Variants in AP3D1 observed in about 807,000 individuals in gnomAD.
AP3D1 encodes AP-3 complex subunit delta-1.
A neutral mutation model predicts 147.6 loss-of-function variants in AP3D1; 51 were observed. That is an observed-to-expected ratio of 0.35 (90% confidence interval 0.28 to 0.44). AP3D1 has a LOEUF of 0.44. Ranked by LOEUF, AP3D1 falls within the 20% of genes least tolerant of loss-of-function variation. The probability of loss-of-function intolerance (pLI) is 1.00; values close to 1 mark genes in which losing one functional copy is unlikely to be tolerated. For synonymous variants in AP3D1, 760 were observed against 663.0 expected, an observed-to-expected ratio of 1.15 and a Z score of -2.25; for missense variants, 1,421 against 1,624.2, an observed-to-expected ratio of 0.87 and a Z score of 2.15.
At position 2,113,976 on chromosome 19, in the gene AP3D1, TCA is replaced by T. The variant is rs1415757570; in HGVS notation, c.2601+147_2601+148del. On this transcript the variant is annotated intron_variant, in intron 22 of 31. Transcript: ENST00000643116. The stretch of plus-strand genomic sequence containing the variant: ...AGCTCCCCTCAGAAGCCACATGTCC[TCA>T]CTCCGCCGGGGCACAGGGCGAGGCG... The T allele has an allele frequency of 1.8e-5, 25 of 1,382,992 alleles. No homozygotes were observed. The East Asian group carries it at 5.8e-4, about 32-fold the overall frequency. 85.7% of individuals were successfully genotyped at this position (1,382,992 alleles called of 1,614,324 possible).
intron 31 of AP3D1, among the ~76,000 whole-genome samples, chr19:2,102,728 A>AAAATAAAT (rs148548478): frequency 3.9e-5 from 5 of 129,644 alleles, no homozygotes; most frequent in African/African-American, 5.9e-5. Context: ...ACTGTCTCAA[A>AAAATAAAT]AAATAAATAA....
intron 1 of AP3D1, among the ~76,000 whole-genome samples, chr19:2,157,589 C>T (rs547315463): frequency 6.6e-5 from 10 of 150,928 alleles, no homozygotes; most frequent in African/African-American, 9.7e-5. Flanking sequence ...ATCCACCCAC[C>T]GACTCATCCA....
intron 9 of AP3D1, 145 bp downstream of exon 9, chr19:2,127,007 C>G: frequency 1.2e-6 from 1 of 829,108 alleles, no homozygotes; most frequent in South Asian, 1.6e-5. Flanking sequence ...TCCCAGCCAG[C>G]CCCAGGCCCC....
rs565277758 is a variant in AP3D1, at chr19:2,117,092, C to A, written c.1859+130G>T. 15 of 1,221,048 alleles carry A rather than the reference C, an allele frequency of 1.2e-5. No homozygotes were observed. In the East Asian group the frequency reaches 4.0e-4, roughly 33 times the overall value. The allele number at this position is 1,221,048 out of a possible 1,614,324, so 75.6% of individuals were successfully genotyped here. A position where few individuals can be genotyped will look rare whatever the true frequency, so the allele number is the denominator to read the frequency against. On this transcript the variant is annotated intron_variant, in intron 16 of 31. Transcript: ENST00000643116. ...GGTGAGTCCGTGTGAGGGATATACC[C>A]GCCTGAGGCCTCCAATCAGCCCCAC...
chr19:2,108,624 G>A, intron 31 of AP3D1, 63 bp downstream of exon 31: 1 of 1,456,368 alleles, frequency 6.9e-7, no homozygotes. Flanking sequence ...GGGGATGAAG[G>A]CCTGGGCATG....
At chr19:2,147,074 GTGGC>G (rs2019375374) in intron 1 of AP3D1, among the ~76,000 whole-genome samples, 1 of 152,154 alleles carries the variant, frequency 6.6e-6, no homozygotes, top group Non-Finnish European at 1.5e-5. Flanking sequence ...GCTGGGCGTG[GTGGC>G]TCACGCCTGT....
chr19:2,139,485 C>G (rs892510128), intron 1 of AP3D1, among the ~76,000 whole-genome samples: 2 of 152,208 alleles, frequency 1.3e-5, no homozygotes, highest in African/African-American at 4.8e-5. Context: ...CAAGCGAACT[C>G]AGGCACGAGG....
In AP3D1 at chr19:2,116,191, C is replaced by T. The variant is rs770655238; in HGVS notation, c.2073+16G>A. ...TAGAGGGTGCTGAGGGACAGGCACC[C>T]GGGGACGGGCCTCACCTTCTGTGGC... On this transcript the variant is annotated intron_variant, in intron 18 of 31. Coordinates refer to ENST00000643116, the MANE Select transcript of AP3D1 (RefSeq NM_001261826.3). 59 of 1,613,662 alleles carry T rather than the reference C, an allele frequency of 3.7e-5. No individual in the cohort carries two copies. The Middle Eastern group carries it at 9.9e-4, about 27-fold the overall frequency.
At chr19:2,109,783 G>A (rs2018214232) in intron 29 of AP3D1, 90 bp downstream of exon 29, 2 of 1,268,266 alleles carry the variant, frequency 1.6e-6, no homozygotes, top group South Asian at 2.4e-5. Context: ...GTCCTGCCCA[G>A]AAGCCTCAGT....
rs1442551555 is a variant in AP3D1, at chr19:2,116,732, G to A, written c.1874C>T (p.Ala625Val). The part of the protein sequence containing the change: ...VPVPEGLDLD[A>V]WINEPLSDSE... ...GTCCGAGAGTGGCTCATTGATCCAG[G>A]CGTCCAGGTCCAGGCTGCACCGGAC... The change falls in exon 17 of 32, where the codon GCC becomes GTC. Residue 625 changes from alanine (A) to valine (V), a missense_variant. Ala to Val is a moderately conservative substitution (Grantham distance 64, BLOSUM62 0). Coordinates refer to ENST00000643116, the MANE Select transcript of AP3D1 (RefSeq NM_001261826.3). The A allele has an allele frequency of 3.1e-6, 5 of 1,610,952 alleles. No individual in the cohort carries two copies. The East Asian group carries it at 6.7e-5, about 22-fold the overall frequency.
chr19:2,135,816 C>T (rs1016316778), intron 4 of AP3D1, among the ~76,000 whole-genome samples: 1 of 152,160 alleles, frequency 6.6e-6, no homozygotes, highest in Non-Finnish European at 1.5e-5. Context: ...AAGCTGGGCA[C>T]GACACGTGGC....
intron 1 of AP3D1, among the ~76,000 whole-genome samples, chr19:2,139,038 T>C (rs1018111400): frequency 8.5e-6 from 1 of 118,134 alleles, no homozygotes; most frequent in Non-Finnish European, 1.6e-5. Flanking sequence ...CCAGCCCAGG[T>C]GAGAGAGCCA....
At chr19:2,107,468 C>T (rs1039236917) in intron 31 of AP3D1, among the ~76,000 whole-genome samples, 6 of 151,718 alleles carry the variant, frequency 4.0e-5, no homozygotes, top group African/African-American at 1.5e-4. Flanking sequence ...AGGCCGGGCG[C>T]GGTGGCTCAA....
Position 2,138,067 on chromosome 19 carries a change from C to T in AP3D1, c.193-260G>A, listed in dbSNP as rs993029580. Among the ~76,000 whole-genome samples, 3 of 152,336 alleles carry T rather than the reference C, an allele frequency of 2.0e-5. No homozygotes were observed. In the East Asian group the frequency reaches 5.8e-4, roughly 29 times the overall value. On this transcript the variant is annotated intron_variant, in intron 2 of 31. Coordinates refer to ENST00000643116, the MANE Select transcript of AP3D1 (RefSeq NM_001261826.3). ...TCTGCAATTGGTTAACTGGCGCTTA[C>T]GGGTACTGGCTACATTCCCCTACCA...
At chr19:2,114,365 A>T in intron 21 of AP3D1, 63 bp from the exon 22 acceptor site, 2 of 1,394,498 alleles carry the variant, frequency 1.4e-6, no homozygotes, top group Non-Finnish European at 2.0e-6. Flanking sequence ...ACCACTCAGT[A>T]CATGCCGTGT....
intron 1 of AP3D1, among the ~76,000 whole-genome samples, chr19:2,145,482 T>G (rs1859954): frequency 0.46 from 69,677 of 152,088 alleles, 16,207 homozygotes; most frequent in East Asian, 0.51. Flanking sequence ...GACTTGCAGA[T>G]ATCTAGGCAT....
chr19:2,114,065 TG>T, intron 22 of AP3D1, 59 bp downstream of exon 22: 1 of 1,520,312 alleles, frequency 6.6e-7, no homozygotes. Context: ...CGCTGTCTCC[TG>T]GGAGTTCACG....
Position 2,121,757 on chromosome 19 carries a change from C to A in AP3D1, c.1078G>T (p.Ala360Ser). Reference protein sequence around the residue: ...DDKDESIRLRALDLLYGMVSK... With the variant: ...DDKDESIRLRSLDLLYGMVSK... ...ACCATCCCATAGAGCAGGTCCAGGG[C>A]CCGCAGCCGGATGGACTCGTCCTTG... Residue 360 changes from alanine to serine, a missense_variant, in exon 12 of 32, where the codon GCC becomes TCC. This residue lies in a region of AP3D1 where 310 missense variants were observed against 388.1 expected (regional missense o/e 0.80). Coordinates refer to ENST00000643116, the MANE Select transcript of AP3D1 (RefSeq NM_001261826.3). The A allele has an allele frequency of 6.2e-7, 1 of 1,608,584 alleles. No homozygotes were observed. Among genetic ancestry groups the A allele is most frequent in the Non-Finnish European group, 8.5e-7 (1 of 1,177,722 alleles).
chr19:2,113,902 A>G (rs1453890354), intron 22 of AP3D1, among the ~76,000 whole-genome samples: 1 of 152,128 alleles, frequency 6.6e-6, no homozygotes, highest in African/African-American at 2.4e-5. Context: ...CGGCTCACCC[A>G]TGGGATCGTT....
Sources: allele counts gnomAD v4.1 joint callset (sites outside exome capture counted in the v4.1 genomes callset), GRCh38; gene constraint gnomAD v4.1.1; regional missense constraint gnomAD v4.1.1; transcripts MANE v1.5; gene names NCBI Gene and HGNC (gene_info 2026-07-23, HGNC 2026-07-21).